The following WDR27 variants were observed in gnomAD, a reference collection of about 807,000 sequenced individuals.
The protein encoded by WDR27 is WD repeat domain 27.
A neutral mutation model predicts 114.4 loss-of-function variants in WDR27; 100 were observed. The observed-to-expected ratio is 0.87, with a 90% CI of 0.74 to 1.03. The LOEUF (loss-of-function observed/expected upper bound fraction) is 1.03. Among genes scored for constraint, WDR27 ranks in the 50% least tolerant of loss-of-function variants. The pLI, the probability that WDR27 is intolerant of heterozygous loss-of-function variation, is 0.00. For synonymous variants in WDR27, 449 were observed against 423.1 expected (o/e 1.06, Z -0.75); for missense variants, 1,129 against 1,092.9 (o/e 1.03, Z -0.47).
chr6:169,495,288 C>T (rs1238401559), intron 25 of WDR27, among the ~76,000 whole-genome samples: 1 of 151,908 alleles, frequency 6.6e-6, no homozygotes, highest in Non-Finnish European at 1.5e-5. Context: ...ATATGAGACA[C>T]AGTAAAAGCA....
chr6:169,649,836 T>C (rs1821794383), intron 14 of WDR27, among the ~76,000 whole-genome samples: 1 of 138,104 alleles, frequency 7.2e-6, no homozygotes, highest in South Asian at 2.4e-4. Flanking sequence ...ATCTCTCATC[T>C]CTCTCCATCC....
At chr6:169,517,516 C>G in intron 25 of WDR27, among the ~76,000 whole-genome samples, 1 of 152,108 alleles carries the variant, frequency 6.6e-6, no homozygotes, top group East Asian at 1.9e-4. Context: ...GATTAAAAAA[C>G]TAAAAGAAGT....
chr6:169,433,907 T>C, the WDR27 span, among the ~76,000 whole-genome samples: 1 of 152,254 alleles, frequency 6.6e-6, no homozygotes, highest in Non-Finnish European at 1.5e-5. Context: ...AAGTGTCTGT[T>C]CATATCCTTC....
chr6:169,651,178 C>CGGGGGGGGGGGGGG (rs200606067), intron 14 of WDR27, among the ~76,000 whole-genome samples: 1 of 3,396 alleles, frequency 2.9e-4, no homozygotes, highest in Non-Finnish European at 4.9e-4. Flanking sequence ...CACAGCAGTG[C>CGGGGGGGGGGGGGG]GGGGCGGGGG....
intron 25 of WDR27, among the ~76,000 whole-genome samples, chr6:169,480,571 C>T (rs770123934): frequency 7.9e-5 from 12 of 152,238 alleles, no homozygotes; most frequent in Admixed American, 2.0e-4. Flanking sequence ...CCAATCAGCA[C>T]TCTGTGTCTA....
chr6:169,541,429 A>G (rs1309263198), intron 25 of WDR27, among the ~76,000 whole-genome samples: 1 of 152,246 alleles, frequency 6.6e-6, no homozygotes, highest in African/African-American at 2.4e-5. Context: ...GCTGCAGAGG[A>G]ATCTGACTGC....
At chr6:169,577,816 G>C (rs754565807) in intron 24 of WDR27, among the ~76,000 whole-genome samples, 2 of 152,104 alleles carry the variant, frequency 1.3e-5, no homozygotes, top group Non-Finnish European at 2.9e-5. Flanking sequence ...CTGGGACACT[G>C]GTCTCCTCCC....
intron 6 of WDR27, chr6:169,666,300 C>G: frequency 1.2e-6 from 1 of 802,882 alleles, no homozygotes; most frequent in Non-Finnish European, 1.5e-6. Flanking sequence ...CCATAGTCCA[C>G]ACATGGATAC....
Position 169,638,607 on chromosome 6 carries a change from G to A in WDR27, c.1801C>T (p.Leu601Phe), listed in dbSNP as rs202243345. The change falls in exon 18 of 26, where the codon CTC becomes TTC. Residue 601 changes from leucine (L) to phenylalanine (F), a missense_variant. Physicochemically the swap from Leu to Phe is conservative, Grantham distance 22 (BLOSUM62 0). Transcript: ENST00000448612. ...AGGGTCCCGTCCCGGGCCGCAGAGA[G>A]CAGCCACCTCCGGTCCTGGCTCCAG... ...VCWSQDRRWL[L>F]SAARDGTLRM... 2.5e-6 allele frequency: 4 copies of A among 1,608,642 alleles called. No homozygotes were observed. The highest frequency in any genetic ancestry group is 3.4e-6 in the Non-Finnish European group (4 of 1,177,872).
intron 23 of WDR27, among the ~76,000 whole-genome samples, chr6:169,588,599 G>A (rs1042420057): frequency 3.9e-5 from 6 of 152,188 alleles, no homozygotes; most frequent in African/African-American, 1.4e-4. Flanking sequence ...GAAATCAAAT[G>A]TCTACATTTT....
rs964471000 is a variant in WDR27, at chr6:169,487,637, T to C, written c.2646-30003A>G. Among the ~76,000 whole-genome samples, 4 of 152,334 alleles carry C rather than the reference T, an allele frequency of 2.6e-5. No homozygotes were observed. In the East Asian group the frequency reaches 7.7e-4, roughly 29 times the overall value. On this transcript the variant is annotated intron_variant, in intron 25 of 25. Coordinates refer to ENST00000448612, the MANE Select transcript of WDR27 (RefSeq NM_182552.5). ...AATCCAAAACTTTCCAATGTATTAT[T>C]TTGCCTGCACGAATATGGCCAAGAT...
chr6:169,617,393 G>C (rs1162221392), intron 21 of WDR27, among the ~76,000 whole-genome samples: 7 of 151,904 alleles, frequency 4.6e-5, no homozygotes. Flanking sequence ...TCTTTTTTTT[G>C]AGACCGAGTT....
chr6:169,662,291 TTTTGA>T lies in WDR27; in HGVS notation c.1025+8_1025+12del, dbSNP rs1318245000. ...TTCCTTTATGTGGCATAGGCAAAGT[TTTTGA>T]TACTTACCATCCACATGCAGAATTT... is the stretch of plus-strand genomic sequence containing the variant. On this transcript the variant is annotated splice_region_variant and intron_variant, in intron 9 of 25. Coordinates refer to ENST00000448612, the MANE Select transcript of WDR27 (RefSeq NM_182552.5). 1.2e-6 allele frequency: 2 copies of T among 1,612,054 alleles called. No homozygotes were observed. Among genetic ancestry groups the T allele is most frequent in the South Asian group, 2.2e-5 (2 of 91,004 alleles).
rs1000950940 is a variant in WDR27 at position 169,582,890 on chromosome 6, C to T, written c.2469G>A (p.Leu823=). 9 of 1,613,948 alleles carry T rather than the reference C, an allele frequency of 5.6e-6. No homozygotes were observed. Among genetic ancestry groups the T allele is most frequent in the Non-Finnish European group, 7.6e-6 (9 of 1,179,894 alleles). The change falls in exon 24 of 26, where the codon CTG becomes CTA. Residue 823 remains leucine, a synonymous_variant. Transcript: ENST00000448612. Reference sequence around the variant, plus strand: ...CAGTGACAGTGTCTGTGTGCCCAGCCAGCCGGTGAGAAAACGTGCTTGAGC... The same window carrying T: ...CAGTGACAGTGTCTGTGTGCCCAGCTAGCCGGTGAGAAAACGTGCTTGAGC... ...EMGSSTFSHR[L]AGHTDTVTGV...
the WDR27 span, among the ~76,000 whole-genome samples, chr6:169,449,042 C>T: frequency 8.0e-4 from 122 of 152,310 alleles, no homozygotes; most frequent in Non-Finnish European, 8.8e-5. Context: ...ATATTTTCTA[C>T]GTTTAGTCAA....
At chr6:169,633,244 A>G (rs1267118608) in intron 20 of WDR27, among the ~76,000 whole-genome samples, 176 bp from the exon 21 acceptor site, 1 of 152,168 alleles carries the variant, frequency 6.6e-6, no homozygotes, top group East Asian at 1.9e-4. Flanking sequence ...GCCCCACCCC[A>G]TCTGACTCCA....
chr6:169,701,443 T>TG (rs1788015896), intron 1 of WDR27, 108 bp downstream of exon 1: 1 of 152,198 alleles, frequency 6.6e-6, no homozygotes, highest in African/African-American at 2.4e-5. Flanking sequence ...CGACGGGAGG[T>TG]GCAGGAGGCC....
intron 8 of WDR27, 93 bp from the exon 9 acceptor site, chr6:169,662,517 G>A (rs1306015075): frequency 5.4e-6 from 8 of 1,489,714 alleles, no homozygotes; most frequent in African/African-American, 2.8e-5. Flanking sequence ...ATGCTGCAGT[G>A]AATGTGCACC....
intron 23 of WDR27, among the ~76,000 whole-genome samples, chr6:169,597,883 C>T (rs1179511439): frequency 1.3e-4 from 11 of 83,346 alleles, no homozygotes; most frequent in Admixed American, 5.0e-4. Flanking sequence ...TTCATACACA[C>T]ACACACACAC....
Sources: gnomAD v4.1 joint callset for allele counts (sites outside exome capture counted in the v4.1 genomes callset) on GRCh38, gnomAD v4.1.1 for gene constraint, MANE v1.5 for transcripts, NCBI Gene and HGNC (gene_info 2026-07-23, HGNC 2026-07-21) for gene names.